The following PDE1A variants were observed in gnomAD, a reference collection of about 807,000 sequenced individuals.
The protein encoded by PDE1A is dual specificity calcium/calmodulin-dependent 3',5'-cyclic nucleotide phosphodiesterase 1A.
In PDE1A, 35 loss-of-function variants were observed where a neutral mutation model predicts 61.7. The observed-to-expected ratio is 0.57, with a 90% confidence interval of 0.43 to 0.75. The LOEUF (loss-of-function observed/expected upper bound fraction) is 0.75. PDE1A is among the 30% of genes least tolerant of loss of function. PDE1A has a pLI of 0.00. For missense variants in PDE1A, 597 were observed against 630.6 expected (o/e 0.95, Z 0.57); for synonymous variants, 232 against 213.2 (o/e 1.09, Z -0.77).
At chr2:182,533,542 G>A in the PDE1A span, among the ~76,000 whole-genome samples, 2,084 of 152,206 alleles carry the variant, frequency 0.014, 28 homozygotes, top group Non-Finnish European at 0.019. Flanking sequence ...TCATATTATG[G>A]AAAATTAAAT....
At chr2:182,328,431 T>C (rs1486711555) in intron 1 of PDE1A, among the ~76,000 whole-genome samples, 1 of 152,198 alleles carries the variant, frequency 6.6e-6, no homozygotes, top group African/African-American at 2.4e-5. Flanking sequence ...AAGGTCATTA[T>C]TGCAATGATG....
At chr2:182,154,536 T>C (rs1374941135) in intron 13 of PDE1A, among the ~76,000 whole-genome samples, 1 of 152,128 alleles carries the variant, frequency 6.6e-6, no homozygotes, top group Admixed American at 6.5e-5. Context: ...ATGGGGGCAG[T>C]TTCCCCATAC....
the PDE1A span, among the ~76,000 whole-genome samples, chr2:182,583,088 A>G: frequency 6.6e-6 from 1 of 152,162 alleles, no homozygotes; most frequent in African/African-American, 2.4e-5. Context: ...GAGAACAAAG[A>G]AACAGCTGCT....
chr2:182,399,378 G>A (rs963603207), intron 1 of PDE1A, among the ~76,000 whole-genome samples: 5 of 151,894 alleles, frequency 3.3e-5, no homozygotes, highest in African/African-American at 9.6e-5. Flanking sequence ...ACCCCTTTTA[G>A]TTAAATCCTG....
chr2:182,705,025 C>T, the PDE1A span, among the ~76,000 whole-genome samples: 1 of 152,140 alleles, frequency 6.6e-6, no homozygotes, highest in East Asian at 1.9e-4. Context: ...GAGAATGTGG[C>T]AAACCACAAC....
At chr2:182,377,997 C>G (rs963684334) in intron 1 of PDE1A, among the ~76,000 whole-genome samples, 15 of 152,162 alleles carry the variant, frequency 9.9e-5, no homozygotes, top group African/African-American at 3.4e-4. Context: ...TAGGTGCCCG[C>G]CACCTCGCCC....
intron 1 of PDE1A, among the ~76,000 whole-genome samples, chr2:182,268,590 C>T (rs192539724): frequency 3.3e-5 from 5 of 152,084 alleles, no homozygotes; most frequent in East Asian, 1.9e-4. Flanking sequence ...AGGTATTTCC[C>T]GTTGCTTCTT....
chr2:182,250,121 A>G (rs11895738), intron 2 of PDE1A, among the ~76,000 whole-genome samples: 4,458 of 152,240 alleles, frequency 0.029, 210 homozygotes, highest in African/African-American at 0.1. Context: ...GAGTACCCAG[A>G]CTGCCTTCAC....
chr2:182,438,708 A>T (rs2125667710), intron 2 of PDE1A, among the ~76,000 whole-genome samples: 1 of 152,080 alleles, frequency 6.6e-6, no homozygotes, highest in Admixed American at 6.6e-5. Context: ...TAAAGGTAAA[A>T]ATATGAGGAG....
the PDE1A span, among the ~76,000 whole-genome samples, chr2:182,651,234 T>G: frequency 6.6e-6 from 1 of 152,198 alleles, no homozygotes; most frequent in Non-Finnish European, 1.5e-5. Context: ...CTTGAACTCC[T>G]GACCTCAAGT....
At chr2:182,700,241 C>G in the PDE1A span, among the ~76,000 whole-genome samples, 2 of 152,096 alleles carry the variant, frequency 1.3e-5, no homozygotes, top group African/African-American at 4.8e-5. Context: ...TTCCAAAATA[C>G]AACACACAGC....
intron 1 of PDE1A, among the ~76,000 whole-genome samples, chr2:182,287,657 T>C (rs1671548956): frequency 6.6e-6 from 1 of 152,146 alleles, no homozygotes; most frequent in Admixed American, 6.5e-5. Flanking sequence ...AGTTTGTTTC[T>C]TACTTAGCAT....
chr2:182,408,600 C>T (rs542863654), intron 1 of PDE1A, among the ~76,000 whole-genome samples: 2 of 152,126 alleles, frequency 1.3e-5, no homozygotes, highest in South Asian at 2.1e-4. Context: ...TAAATGAAGA[C>T]GTTAATTTTT....
intron 2 of PDE1A, among the ~76,000 whole-genome samples, chr2:182,486,217 AGT>A (rs2125862723): frequency 6.6e-6 from 1 of 152,212 alleles, no homozygotes; most frequent in East Asian, 1.9e-4. Flanking sequence ...ATCATCAAAA[AGT>A]GTAAAATTCT....
At chr2:182,403,557 C>T (rs776243226) in intron 1 of PDE1A, among the ~76,000 whole-genome samples, 12 of 149,304 alleles carry the variant, frequency 8.0e-5, no homozygotes, top group Admixed American at 3.3e-4. Context: ...CGAGATCGCG[C>T]CACTGCACTC....
chr2:182,146,348 G>T (rs951089070), downstream of PDE1A, among the ~76,000 whole-genome samples: 2 of 152,080 alleles, frequency 1.3e-5, no homozygotes, highest in African/African-American at 2.4e-5. Flanking sequence ...ATATGTACTT[G>T]CTTTGTTTTA....
chr2:182,482,799 C>G (rs979873300), intron 2 of PDE1A, among the ~76,000 whole-genome samples: 3 of 151,900 alleles, frequency 2.0e-5, no homozygotes, highest in African/African-American at 7.2e-5. Flanking sequence ...GTATGGAGTT[C>G]AGAAAGCATG....
At chr2:182,152,667 C>T (rs549509028) in intron 13 of PDE1A, among the ~76,000 whole-genome samples, 26 of 152,012 alleles carry the variant, frequency 1.7e-4, no homozygotes, top group Admixed American at 3.9e-4. Flanking sequence ...GTGATCCACC[C>T]GCCTCAGCCT....
intron 2 of PDE1A, among the ~76,000 whole-genome samples, chr2:182,256,869 T>G (rs1002801538): frequency 3.3e-5 from 5 of 152,192 alleles, no homozygotes; most frequent in African/African-American, 9.7e-5. Context: ...TTGGTCTATC[T>G]CTGTTTTTTG....
Sources: allele counts gnomAD v4.1 joint callset (sites outside exome capture counted in the v4.1 genomes callset), GRCh38; gene constraint gnomAD v4.1.1; transcripts MANE v1.5; gene names NCBI Gene and HGNC (gene_info 2026-07-23, HGNC 2026-07-21).